Variants in MAGI2 observed in about 807,000 individuals in gnomAD.
The protein encoded by MAGI2 is membrane-associated guanylate kinase, WW and PDZ domain-containing protein 2.
Under a neutral mutation model 133.3 loss-of-function variants are expected in MAGI2, and 35 were observed. That is an observed-to-expected ratio of 0.26 (90% CI 0.20 to 0.35). MAGI2 has a LOEUF of 0.35. Among genes scored for constraint, MAGI2 ranks in the 10% least tolerant of loss-of-function variants. MAGI2 has a pLI of 1.00. For missense variants in MAGI2, 1,636 were observed against 1,863.4 expected (o/e 0.88, Z 2.25); for synonymous variants, 729 against 710.6 (o/e 1.03, Z -0.41).
chr7:78,573,118 G>GAT (rs1197488381), intron 3 of MAGI2, among the ~76,000 whole-genome samples: 3 of 94,714 alleles, frequency 3.2e-5, no homozygotes, highest in East Asian at 2.9e-4. Context: ...TATGGAGAGA[G>GAT]ATATATATAT....
At chr7:79,203,160 T>C (rs1224921522) in intron 1 of MAGI2, among the ~76,000 whole-genome samples, 5 of 152,060 alleles carry the variant, frequency 3.3e-5, no homozygotes, top group African/African-American at 7.3e-5. Flanking sequence ...TCCTCTCCAG[T>C]GATACTAACA....
At chr7:78,992,796 C>A (rs1183780823) in intron 2 of MAGI2, among the ~76,000 whole-genome samples, 1 of 151,988 alleles carries the variant, frequency 6.6e-6, no homozygotes, top group Non-Finnish European at 1.5e-5. Context: ...TTAGAACCTA[C>A]AAAAAGCTAC....
At chr7:78,559,639 G>A (rs1015529207) in intron 3 of MAGI2, among the ~76,000 whole-genome samples, 3 of 152,110 alleles carry the variant, frequency 2.0e-5, no homozygotes, top group East Asian at 1.9e-4. Flanking sequence ...AAAAATACCC[G>A]AGAATCAGAG....
intron 2 of MAGI2, among the ~76,000 whole-genome samples, chr7:78,639,780 C>T (rs1810078082): frequency 6.6e-6 from 1 of 152,154 alleles, no homozygotes; most frequent in African/African-American, 2.4e-5. Flanking sequence ...CCCATTCAGG[C>T]CAGTGTGACT....
intron 1 of MAGI2, among the ~76,000 whole-genome samples, chr7:79,067,233 T>C (rs980793886): frequency 1.3e-5 from 2 of 152,182 alleles, no homozygotes; most frequent in African/African-American, 4.8e-5. Context: ...ATTCTTCCTA[T>C]CCATGAGCAT....
intron 3 of MAGI2, among the ~76,000 whole-genome samples, chr7:78,544,501 T>C (rs1306041123): frequency 6.6e-6 from 1 of 152,234 alleles, no homozygotes; most frequent in Non-Finnish European, 1.5e-5. Flanking sequence ...ATAATCTCTC[T>C]GTATATCTAT....
At chr7:78,370,912 A>G (rs1488633520) in intron 6 of MAGI2, among the ~76,000 whole-genome samples, 1 of 151,950 alleles carries the variant, frequency 6.6e-6, no homozygotes, top group Non-Finnish European at 1.5e-5. Context: ...CAAATTTTAG[A>G]GTACCTTAAG....
intron 6 of MAGI2, among the ~76,000 whole-genome samples, chr7:78,398,542 C>T (rs149654472): frequency 6.7e-4 from 102 of 152,258 alleles, no homozygotes; most frequent in African/African-American, 2.4e-3. Context: ...TTTTCTTAGA[C>T]CATTTTTCTT....
At chr7:78,677,893 A>C (rs1815223681) in intron 2 of MAGI2, among the ~76,000 whole-genome samples, 1 of 152,078 alleles carries the variant, frequency 6.6e-6, no homozygotes, top group Non-Finnish European at 1.5e-5. Flanking sequence ...CTGTCAGGAG[A>C]CAGGGCTGGT....
chr7:79,370,958 C>T (rs927823253), intron 1 of MAGI2, among the ~76,000 whole-genome samples: 2 of 151,962 alleles, frequency 1.3e-5, no homozygotes, highest in African/African-American at 4.8e-5. Context: ...TCAGGGATCT[C>T]ATGGCTTCCA....
intron 1 of MAGI2, among the ~76,000 whole-genome samples, chr7:79,436,621 GA>G (rs1848165398): frequency 6.6e-6 from 1 of 152,110 alleles, no homozygotes. Flanking sequence ...AATCTTCAGA[GA>G]AATGCAAATA....
intron 1 of MAGI2, among the ~76,000 whole-genome samples, chr7:79,383,002 A>G (rs1022631059): frequency 1.1e-4 from 16 of 151,712 alleles, no homozygotes; most frequent in Non-Finnish European, 1.9e-4. Flanking sequence ...AGACTTAAAA[A>G]AAGATCAGAA....
At chr7:78,244,150 C>G (rs1791484682) in intron 10 of MAGI2, among the ~76,000 whole-genome samples, 1 of 125,918 alleles carries the variant, frequency 7.9e-6, no homozygotes, top group South Asian at 2.5e-4. Flanking sequence ...ATAGCAAGAC[C>G]TCATCTCTAT....
intron 2 of MAGI2, among the ~76,000 whole-genome samples, chr7:78,910,052 G>C (rs1584361852): frequency 6.6e-6 from 1 of 152,018 alleles, no homozygotes. Context: ...ACGAAACACT[G>C]CATGTTCTCA....
At chr7:78,926,630 G>A (rs1170409976) in intron 2 of MAGI2, among the ~76,000 whole-genome samples, 1 of 151,798 alleles carries the variant, frequency 6.6e-6, no homozygotes, top group East Asian at 1.9e-4. Context: ...ACATAAATTG[G>A]CCAAAAAACA....
chr7:79,047,505 GA>G (rs1812288010), intron 1 of MAGI2, among the ~76,000 whole-genome samples: 1 of 151,918 alleles, frequency 6.6e-6, no homozygotes, highest in Non-Finnish European at 1.5e-5. Context: ...AACAAAACGA[GA>G]AAATGCCTAT....
At chr7:79,042,710 G>T (rs1019640248) in intron 1 of MAGI2, among the ~76,000 whole-genome samples, 1 of 152,032 alleles carries the variant, frequency 6.6e-6, no homozygotes, top group Non-Finnish European at 1.5e-5. Context: ...AGATATTTGG[G>T]ATCTGAATTT....
chr7:78,411,560 A>G (rs1202216063), intron 6 of MAGI2, among the ~76,000 whole-genome samples: 12 of 152,062 alleles, frequency 7.9e-5, no homozygotes, highest in African/African-American at 2.2e-4. Flanking sequence ...AAGAAAAAAC[A>G]AACCAGTTAA....
chr7:78,051,026 G>A (rs1349625036), intron 21 of MAGI2, among the ~76,000 whole-genome samples: 1 of 152,208 alleles, frequency 6.6e-6, no homozygotes, highest in East Asian at 1.9e-4. Flanking sequence ...CCCCCACCTG[G>A]AGCATTGACC....
Sources: gnomAD v4.1 joint callset for allele counts (sites outside exome capture counted in the v4.1 genomes callset) on GRCh38, gnomAD v4.1.1 for gene constraint, MANE v1.5 for transcripts, NCBI Gene and HGNC (gene_info 2026-07-23, HGNC 2026-07-21) for gene names.